Variants in DENND4A observed in about 807,000 individuals in gnomAD.
The protein encoded by DENND4A is C-myc promoter-binding protein.
DENND4A carries 70 observed loss-of-function variants against 199.3 expected under a neutral mutation model. That is an observed-to-expected ratio of 0.35 (90% CI 0.29 to 0.43). The LOEUF is 0.43. Ranked by LOEUF, DENND4A falls within the 20% of genes least tolerant of loss-of-function variation. The pLI is 1.00. For missense variants in DENND4A, 1,723 were observed against 2,255.8 expected (o/e 0.76, Z 4.78); for synonymous variants, 686 against 766.9 (o/e 0.89, Z 1.74).
intron 12 of DENND4A, among the ~76,000 whole-genome samples, chr15:65,721,569 A>C (rs980171595): frequency 6.6e-6 from 1 of 150,834 alleles, no homozygotes; most frequent in African/African-American, 2.5e-5. Flanking sequence ...ATTTGGACTT[A>C]AAGATAGCTT....
At chr15:65,681,451 C>G (rs1226475555) in intron 23 of DENND4A, 1 of 149,896 alleles carries the variant, frequency 6.7e-6, no homozygotes, top group African/African-American at 2.4e-5. Context: ...TTCTTAAATA[C>G]TAAGTTAAAA....
chr15:65,669,068 A>C (rs2076136629), intron 27 of DENND4A, among the ~76,000 whole-genome samples: 1 of 152,226 alleles, frequency 6.6e-6, no homozygotes. Flanking sequence ...ATATTCCTTC[A>C]GGAGTCACAA....
intron 1 of DENND4A, among the ~76,000 whole-genome samples, chr15:65,776,269 T>C (rs2077280786): frequency 1.3e-5 from 2 of 152,208 alleles, no homozygotes; most frequent in South Asian, 2.1e-4. Flanking sequence ...GATGTATTAA[T>C]GGTATTAATA....
In DENND4A at chr15:65,753,461, C is replaced by T. The variant is rs529233573; in HGVS notation, c.312-833G>A. On this transcript the variant is annotated intron_variant, in intron 3 of 32. Transcript: ENST00000443035. ...GCAACCTCTGCCTCCAATGTTCAAG[C>T]GATTCTCCAGCCTCAGCCTCCCGAG... Among the ~76,000 whole-genome samples the T allele has an allele frequency of 1.4e-4, 22 of 152,208 alleles. 1 individual carries two copies. The South Asian group carries it at 4.1e-3, about 29-fold the overall frequency.
intron 23 of DENND4A, among the ~76,000 whole-genome samples, chr15:65,678,489 G>C (rs1256500866): frequency 6.6e-6 from 1 of 152,092 alleles, no homozygotes; most frequent in Admixed American, 6.5e-5. Context: ...TTTACTTCTA[G>C]ACATTTCATG....
At chr15:65,687,759 A>T (rs1196105495) in intron 23 of DENND4A, among the ~76,000 whole-genome samples, 1 of 151,840 alleles carries the variant, frequency 6.6e-6, no homozygotes, top group Non-Finnish European at 1.5e-5. Flanking sequence ...GTAGGTAATG[A>T]ATAATTTTTT....
intron 1 of DENND4A, among the ~76,000 whole-genome samples, chr15:65,775,256 G>C (rs1244138298): frequency 6.6e-6 from 1 of 152,006 alleles, no homozygotes; most frequent in Non-Finnish European, 1.5e-5. Flanking sequence ...TGAGGTGGGA[G>C]GTTTGCTTGA....
intron 3 of DENND4A, 41 bp from the exon 4 acceptor site, chr15:65,752,669 A>T: frequency 7.8e-7 from 1 of 1,275,964 alleles, no homozygotes; most frequent in Non-Finnish European, 1.1e-6. Context: ...AAAGCACTTT[A>T]AATATGAAAA....
chr15:65,729,098 A>G lies in DENND4A; in HGVS notation c.1461T>C (p.Val487=). ...GAGAAATAGTGTTGGTATCTACATC[A>G]ACACAACTGACATCTGGTGGAGGAT... The part of the protein sequence containing the change: ...LYDPPPDVSC[V]DVDTNTISQI... The change falls in exon 11 of 33, where the codon GTT becomes GTC. Residue 487 remains valine (V), a synonymous_variant. Coordinates refer to ENST00000443035, the MANE Select transcript of DENND4A (RefSeq NM_001320835.1). 1 of 1,590,960 alleles carries G rather than the reference A, an allele frequency of 6.3e-7. No homozygotes were observed. The highest frequency in any genetic ancestry group is 1.1e-5 in the South Asian group (1 of 87,248).
chr15:65,668,405 TG>T (rs1025872886), intron 27 of DENND4A, among the ~76,000 whole-genome samples: 2 of 152,004 alleles, frequency 1.3e-5, no homozygotes, highest in African/African-American at 4.8e-5. Flanking sequence ...GATGGGGTTT[TG>T]CCATGTTGTC....
chr15:65,677,656 A>T (rs1421670610), intron 23 of DENND4A, among the ~76,000 whole-genome samples: 1 of 151,926 alleles, frequency 6.6e-6, no homozygotes, highest in Non-Finnish European at 1.5e-5. Context: ...TAGGATTATT[A>T]TTTTTTTTGT....
At chr15:65,761,852 A>C (rs1039779276) in intron 1 of DENND4A, among the ~76,000 whole-genome samples, 3 of 152,094 alleles carry the variant, frequency 2.0e-5, no homozygotes, top group African/African-American at 7.2e-5. Flanking sequence ...TCAAATATAG[A>C]CTCAAGTAAC....
intron 32 of DENND4A, among the ~76,000 whole-genome samples, chr15:65,663,700 C>T (rs1296707637): frequency 6.6e-6 from 1 of 152,120 alleles, no homozygotes; most frequent in Non-Finnish European, 1.5e-5. Flanking sequence ...CCCAAGCTGG[C>T]ATGCAGCTGC....
In DENND4A at chr15:65,741,792, T is replaced by TA. The variant is rs1471847502; in HGVS notation, c.562-9dup. The TA allele has an allele frequency of 5.0e-6, 8 of 1,604,608 alleles. No homozygotes were observed. Among genetic ancestry groups the TA allele is most frequent in the South Asian group, 1.1e-5 (1 of 90,198 alleles). On this transcript the variant is annotated splice_polypyrimidine_tract_variant and intron_variant, in intron 4 of 32. Coordinates refer to ENST00000443035, the MANE Select transcript of DENND4A (RefSeq NM_001320835.1). Reference sequence around the variant, plus strand: ...GTATACTGCTGATCCCCACTGGATTTAAAAAAATAGAAATATCATTTAATT... The same window carrying TA: ...GTATACTGCTGATCCCCACTGGATTTAAAAAAAATAGAAATATCATTTAATT...
intron 12 of DENND4A, among the ~76,000 whole-genome samples, 198 bp downstream of exon 12, chr15:65,722,650 G>C (rs1263863102): frequency 7.3e-6 from 1 of 137,792 alleles, no homozygotes; most frequent in African/African-American, 2.7e-5. Flanking sequence ...GCGAGACTCC[G>C]TCTCGAAAAA....
rs369009971 is a variant in DENND4A at position 65,706,539 on chromosome 15, C to G, written c.1954-315G>C. On this transcript the variant is annotated intron_variant, in intron 14 of 32. Transcript: ENST00000443035. ...TTTTGAGACAGTCTTGCTCTATCGCCAGGATGGAGTGCAGTGGCACGATCT... is the reference window on the plus strand; with the variant it reads ...TTTTGAGACAGTCTTGCTCTATCGCGAGGATGGAGTGCAGTGGCACGATCT... Among the ~76,000 whole-genome samples the G allele has an allele frequency of 9.3e-5, 14 of 151,286 alleles. No homozygotes were observed. The East Asian group carries it at 1.7e-3, about 19-fold the overall frequency.
At chr15:65,674,892 G>A (rs1200896630) in intron 24 of DENND4A, among the ~76,000 whole-genome samples, 2 of 152,118 alleles carry the variant, frequency 1.3e-5, no homozygotes, top group Non-Finnish European at 2.9e-5. Context: ...AGGAGAAAAC[G>A]TTGGCAGCAA....
Position 65,661,833 on chromosome 15 carries a change from T to C in DENND4A, c.*18A>G. On this transcript the variant is annotated 3_prime_UTR_variant, in exon 33 of 33. Coordinates refer to ENST00000443035, the MANE Select transcript of DENND4A (RefSeq NM_001320835.1). ...GACTATACAATATACATTGAATGTT[T>C]ACACATACAAATACATCTTAAAGAT... 6.3e-7 allele frequency: 1 copy of C among 1,589,024 alleles called. No individual in the cohort carries two copies. The highest frequency in any genetic ancestry group is 1.1e-5 in the South Asian group (1 of 87,686).
At chr15:65,721,073 A>G (rs2075625009) in intron 12 of DENND4A, among the ~76,000 whole-genome samples, 2 of 149,202 alleles carry the variant, frequency 1.3e-5, no homozygotes, top group African/African-American at 4.9e-5. Context: ...TCAGCCTCCC[A>G]AAGTGCTGGG....
Sources: gnomAD v4.1 joint callset for allele counts (sites outside exome capture counted in the v4.1 genomes callset) on GRCh38, gnomAD v4.1.1 for gene constraint, MANE v1.5 for transcripts, NCBI Gene and HGNC (gene_info 2026-07-23, HGNC 2026-07-21) for gene names.